Variants in NAALAD2 observed in about 807,000 individuals in gnomAD.
NAALAD2 encodes the protein N-acetylated alpha-linked acidic dipeptidase 2.
In NAALAD2, 89 loss-of-function variants were observed where a neutral mutation model predicts 95.6. The observed-to-expected ratio is 0.93, with a 90% CI of 0.78 to 1.11. The LOEUF is 1.11. Ranked by LOEUF, NAALAD2 falls within the 50% of genes least tolerant of loss-of-function variation. NAALAD2 has a pLI of 0.00. For missense variants in NAALAD2, 894 were observed against 872.4 expected, an observed-to-expected ratio of 1.02 and a Z score of -0.31; for synonymous variants, 264 against 294.4, an observed-to-expected ratio of 0.90 and a Z score of 1.06.
Position 90,163,321 on chromosome 11 carries a change from A to C in NAALAD2, c.1087A>C (p.Ile363Leu). ...GTATTATTTTCCAGACAGGTATGTT[A>C]TTCTGGGAGGTCACCGGGACTCCTG... ...RGSVEPDRYV[I>L]LGGHRDSWVF... is the part of the protein sequence containing the mutation. Residue 363 changes from isoleucine (I) to leucine (L), a missense_variant, in exon 10 of 19, where the codon ATT becomes CTT. Coordinates refer to ENST00000534061, the MANE Select transcript of NAALAD2 (RefSeq NM_005467.4). The C allele has an allele frequency of 6.2e-7, 1 of 1,613,544 alleles. No individual in the cohort carries two copies. The highest frequency in any genetic ancestry group is 8.5e-7 in the Non-Finnish European group (1 of 1,179,612).
At chr11:90,152,636 T>G (rs984937477) in intron 6 of NAALAD2, 152 bp downstream of exon 6, 1 of 568,744 alleles carries the variant, frequency 1.8e-6, no homozygotes, top group East Asian at 3.0e-5. Flanking sequence ...TTTTAAAACA[T>G]TTGCTCTTGT....
Position 90,150,562 on chromosome 11 carries a change from G to C in NAALAD2, c.564G>C (p.Gly188=). The change falls in exon 5 of 19, where the codon GGG becomes GGC. Residue 188 remains glycine (G), a synonymous_variant. Transcript: ENST00000534061. ...GAGAGATGGGCATCAACTGTACTGG[G>C]AAGATTGTTATTGCAAGATATGGAA... ...LEREMGINCT[G]KIVIARYGKI... is the part of the protein sequence containing the mutation. 6.2e-7 allele frequency: 1 copy of C among 1,607,378 alleles called. No individual in the cohort carries two copies. Among genetic ancestry groups the C allele is most frequent in the Non-Finnish European group, 8.5e-7 (1 of 1,174,978 alleles).
In NAALAD2 at chr11:90,181,718, T is replaced by TC. The variant is rs200037090; in HGVS notation, c.1940+17_1940+18insC. 0.049 allele frequency: 62,962 copies of TC among 1,278,554 alleles called. 1,751 individuals are homozygous for TC. Among genetic ancestry groups the TC allele is most frequent in the Middle Eastern group, 0.1 (451 of 4,436 alleles). The allele number at this position is 1,278,554 out of a possible 1,614,324, so 79.2% of individuals were successfully genotyped here. Reference sequence around the variant, plus strand: ...TCTTAACAAGTAAGTTTCAAATCCCTTTTTTTTTAAAAAAAAAAAAAAAAG... The same window carrying TC: ...TCTTAACAAGTAAGTTTCAAATCCCTCTTTTTTTTAAAAAAAAAAAAAAAAG... On this transcript the variant is annotated intron_variant, in intron 17 of 18. Coordinates refer to ENST00000534061, the MANE Select transcript of NAALAD2 (RefSeq NM_005467.4).
chr11:90,170,095 A>AC lies in NAALAD2; in HGVS notation c.1370dup (p.Pro458SerfsTer9). ...CAATTATACTCTCAGAGTTGACTGT[A>AC]CTCCCCTTCTTTACCAATTAGTGTA... is the stretch of plus-strand genomic sequence containing the variant. On this transcript the variant is annotated frameshift_variant, in exon 13 of 19. Transcript: ENST00000534061. LOFTEE classifies it high-confidence loss of function. 6.3e-7 allele frequency: 1 copy of AC among 1,591,042 alleles called. No individual in the cohort carries two copies. Among genetic ancestry groups the AC allele is most frequent in the Non-Finnish European group, 8.6e-7 (1 of 1,159,288 alleles).
At chr11:90,137,941 C>T (rs537428120) in intron 2 of NAALAD2, among the ~76,000 whole-genome samples, 1 of 152,074 alleles carries the variant, frequency 6.6e-6, no homozygotes, top group African/African-American at 2.4e-5. Flanking sequence ...CCATCCCCAA[C>T]CCTCCTATGG....
At chr11:90,184,496 AATT>A (rs1265943376) in intron 18 of NAALAD2, among the ~76,000 whole-genome samples, 7 of 152,160 alleles carry the variant, frequency 4.6e-5, no homozygotes, top group Admixed American at 1.3e-4. Flanking sequence ...AGCAATGATC[AATT>A]ATTTATATGG....
intron 5 of NAALAD2, 46 bp from the exon 6 acceptor site, chr11:90,152,252 A>G (rs2134871745): frequency 6.6e-7 from 1 of 1,508,606 alleles, no homozygotes; most frequent in Admixed American, 1.9e-5. Context: ...TGAATAAGCC[A>G]ACCATTTGCC....
chr11:90,176,872 A>G (rs920944179), intron 15 of NAALAD2, among the ~76,000 whole-genome samples: 4 of 152,218 alleles, frequency 2.6e-5, no homozygotes, highest in Non-Finnish European at 4.4e-5. Context: ...CCCAAAATAG[A>G]TAAACTCAGA....
At chr11:90,158,818 T>A (rs1279798308) in intron 7 of NAALAD2, 2 of 203,514 alleles carry the variant, frequency 9.8e-6, no homozygotes, top group African/African-American at 2.4e-5. Flanking sequence ...CCTGTATGTG[T>A]ATTACAACTT....
chr11:90,174,052 C>T (rs781638203), intron 14 of NAALAD2, 137 bp downstream of exon 14: 120 of 682,530 alleles, frequency 1.8e-4, no homozygotes, highest in Non-Finnish European at 2.4e-4. Flanking sequence ...GAATTCCTGG[C>T]CGAGCCCAGT....
At chr11:90,137,270 A>C (rs986606013) in intron 2 of NAALAD2, among the ~76,000 whole-genome samples, 1 of 152,148 alleles carries the variant, frequency 6.6e-6, no homozygotes, top group African/African-American at 2.4e-5. Flanking sequence ...ATACAGTTAG[A>C]TAGAAGGAAT....
Position 90,191,862 on chromosome 11 carries a change from AT to A in NAALAD2, c.*117del. 1.3e-6 allele frequency: 1 copy of A among 770,688 alleles called. No individual in the cohort carries two copies. The highest frequency in any genetic ancestry group is 1.8e-6 in the Non-Finnish European group (1 of 541,576). 47.7% of individuals were successfully genotyped at this position (770,688 alleles called of 1,614,324 possible). On this transcript the variant is annotated 3_prime_UTR_variant, in exon 19 of 19. Coordinates refer to ENST00000534061, the MANE Select transcript of NAALAD2 (RefSeq NM_005467.4). ...TAAACTCTTTTCATGTCATGTTTTG[AT>A]TATAGGCTTTGGTCTTTTCATCTGC...
intron 8 of NAALAD2, among the ~76,000 whole-genome samples, chr11:90,160,627 TTG>T (rs1952267200): frequency 6.6e-6 from 1 of 152,184 alleles, no homozygotes; most frequent in Admixed American, 6.5e-5. Context: ...ATTATCTAAT[TTG>T]TGTATGCCCT....
At chr11:90,154,977 TATACGTATACATA>T (rs1952007960) in intron 6 of NAALAD2, among the ~76,000 whole-genome samples, 1 of 86,582 alleles carries the variant, frequency 1.2e-5, no homozygotes, top group African/African-American at 5.1e-5. Context: ...GTATATATTA[TATACGTATACATA>T]ATATGTATGT....
At chr11:90,161,037 A>T (rs1025964414) in intron 8 of NAALAD2, among the ~76,000 whole-genome samples, 2 of 152,210 alleles carry the variant, frequency 1.3e-5, no homozygotes. Context: ...GCAGAAACAT[A>T]AAACAAAACA....
At chr11:90,168,106 C>T (rs1426585577) in intron 11 of NAALAD2, among the ~76,000 whole-genome samples, 1 of 148,600 alleles carries the variant, frequency 6.7e-6, no homozygotes, top group Non-Finnish European at 1.5e-5. Context: ...CTCGTGAAGC[C>T]AGTGAGACTA....
chr11:90,143,374 G>A (rs144095677), intron 2 of NAALAD2, among the ~76,000 whole-genome samples: 22 of 152,052 alleles, frequency 1.4e-4, no homozygotes, highest in East Asian at 5.8e-4. Context: ...GGTTGACTCC[G>A]CTAATACACA....
chr11:90,143,049 A>G (rs918223785), intron 2 of NAALAD2, among the ~76,000 whole-genome samples: 3 of 152,106 alleles, frequency 2.0e-5, no homozygotes, highest in Admixed American at 1.3e-4. Flanking sequence ...TTATACATAC[A>G]TGAAATATAA....
At chr11:90,175,038 C>T (rs1301967316) in intron 14 of NAALAD2, among the ~76,000 whole-genome samples, 1 of 152,040 alleles carries the variant, frequency 6.6e-6, no homozygotes, top group Non-Finnish European at 1.5e-5. Context: ...TGGGCCCCAT[C>T]CCCAAGATAT....
Sources: gnomAD v4.1 joint callset for allele counts (sites outside exome capture counted in the v4.1 genomes callset) on GRCh38, gnomAD v4.1.1 for gene constraint, MANE v1.5 for transcripts, NCBI Gene and HGNC (gene_info 2026-07-23, HGNC 2026-07-21) for gene names.